RNF180: variants seen among roughly 807,000 people sequenced by gnomAD.
RNF180 encodes E3 ubiquitin-protein ligase RNF180.
In RNF180, 38 loss-of-function variants were observed where a neutral mutation model predicts 59.2. The observed-to-expected ratio is 0.64, with a 90% CI of 0.50 to 0.84. The LOEUF (loss-of-function observed/expected upper bound fraction) is 0.84, where lower values mean the gene tolerates loss of function less well. Among genes scored for constraint, RNF180 ranks in the 40% least tolerant of loss-of-function variants. The probability of loss-of-function intolerance (pLI) is 0.00; values close to 1 mark genes in which losing one functional copy is unlikely to be tolerated. For missense variants in RNF180, 705 were observed against 700.9 expected, an observed-to-expected ratio of 1.01 and a Z score of -0.07; for synonymous variants, 262 against 240.3, an observed-to-expected ratio of 1.09 and a Z score of -0.84.
At chr5:64,260,587 A>G (rs1744277613) in intron 5 of RNF180, among the ~76,000 whole-genome samples, 1 of 152,154 alleles carries the variant, frequency 6.6e-6, no homozygotes, top group African/African-American at 2.4e-5. Flanking sequence ...TCCTTTCAGC[A>G]TTGACACTTA....
intron 5 of RNF180, among the ~76,000 whole-genome samples, chr5:64,307,161 T>C (rs1032186389): frequency 6.7e-6 from 1 of 149,942 alleles, no homozygotes; most frequent in African/African-American, 2.5e-5. Flanking sequence ...AATAACCAAT[T>C]ATGGCTCTTT....
At position 64,329,015 on chromosome 5, in the gene RNF180, A is replaced by G. The variant is rs566650108; in HGVS notation, c.1454-1266A>G. On this transcript the variant is annotated intron_variant, in intron 6 of 7. Transcript: ENST00000389100. ...GTTTCTACCGTTTAAAATGAATACC[A>G]TCATATATGTTCTCCAGTTGGTCTG... is the stretch of plus-strand genomic sequence containing the variant. 1.5e-4 allele frequency among the ~76,000 whole-genome samples: 23 copies of G among 152,324 alleles called. No individual in the cohort carries two copies. In the South Asian group the frequency reaches 4.8e-3, roughly 32 times the overall value.
At chr5:64,215,223 T>G (rs1752554423) in intron 4 of RNF180, among the ~76,000 whole-genome samples, 1 of 152,148 alleles carries the variant, frequency 6.6e-6, no homozygotes, top group Admixed American at 6.5e-5. Context: ...CATGAACATT[T>G]GAAAGTTCGA....
intron 5 of RNF180, among the ~76,000 whole-genome samples, chr5:64,282,544 C>G (rs1233473819): frequency 6.6e-6 from 1 of 152,032 alleles, no homozygotes. Flanking sequence ...TCATTCAGTT[C>G]AGCTCTGATT....
chr5:64,309,488 C>T (rs1743644991), intron 5 of RNF180, among the ~76,000 whole-genome samples: 1 of 151,586 alleles, frequency 6.6e-6, no homozygotes, highest in Admixed American at 6.6e-5. Context: ...AATAGTTTGT[C>T]AGACTGTTTT....
intron 7 of RNF180, among the ~76,000 whole-genome samples, chr5:64,359,729 G>T (rs1746173235): frequency 6.6e-6 from 1 of 151,830 alleles, no homozygotes; most frequent in African/African-American, 2.4e-5. Context: ...GTCCTGAATG[G>T]TAATGCCTAG....
In RNF180 at chr5:64,214,277, T is replaced by C. The variant is rs1561194368; in HGVS notation, c.951T>C (p.Ala317=). ...AATTTCAGTGTGGTCTAGAAGCTGC[T>C]TCAGTGTATTCTGACCATACTAATA... ...GGEFQCGLEA[A]SVYSDHTNTN... is the part of the protein sequence containing the mutation. The change falls in exon 4 of 8, where the codon GCT becomes GCC. Residue 317 remains alanine (A), a synonymous_variant. Coordinates refer to ENST00000389100, the MANE Select transcript of RNF180 (RefSeq NM_001113561.2). 1 of 1,614,090 alleles carries C rather than the reference T, an allele frequency of 6.2e-7. No homozygotes were observed. The highest frequency in any genetic ancestry group is 8.5e-7 in the Non-Finnish European group (1 of 1,180,022).
chr5:64,322,705 C>G (rs1284484543), intron 5 of RNF180, among the ~76,000 whole-genome samples: 2 of 150,838 alleles, frequency 1.3e-5, no homozygotes, highest in Non-Finnish European at 2.9e-5. Flanking sequence ...CTGGATGGAA[C>G]TAGAGACCAT....
Position 64,372,487 on chromosome 5 carries a change from C to T in RNF180, c.*2673C>T, listed in dbSNP as rs1043860288. 3 of 151,972 alleles carry T rather than the reference C, an allele frequency of 2.0e-5. No homozygotes were observed. Among genetic ancestry groups the T allele is most frequent in the Admixed American group, 6.6e-5 (1 of 15,204 alleles). The allele number at this position is 151,972 out of a possible 1,614,324, so 9.4% of individuals were successfully genotyped here. The stretch of plus-strand genomic sequence containing the variant: ...AGTGCTGCCATCAGTTTCACTTCTG[C>T]CTTGGAATCTTGCTCCTAAGTTAGC... On this transcript the variant is annotated 3_prime_UTR_variant, in exon 8 of 8. Coordinates refer to ENST00000389100, the MANE Select transcript of RNF180 (RefSeq NM_001113561.2).
chr5:64,170,924 T>A (rs1749902636), intron 1 of RNF180, among the ~76,000 whole-genome samples: 1 of 152,192 alleles, frequency 6.6e-6, no homozygotes, highest in Non-Finnish European at 1.5e-5. Flanking sequence ...CCTTTTTGGT[T>A]CTGTGTCTTG....
intron 5 of RNF180, among the ~76,000 whole-genome samples, chr5:64,264,055 A>C (rs1475213302): frequency 2.0e-5 from 3 of 152,046 alleles, no homozygotes; most frequent in Non-Finnish European, 4.4e-5. Flanking sequence ...TAGTAGTCTA[A>C]CTTTCCTCAA....
chr5:64,245,681 C>T (rs1206594776), intron 5 of RNF180, among the ~76,000 whole-genome samples: 1 of 152,146 alleles, frequency 6.6e-6, no homozygotes, highest in Non-Finnish European at 1.5e-5. Context: ...GACTTTAACA[C>T]CCCACTATCA....
intron 7 of RNF180, among the ~76,000 whole-genome samples, chr5:64,335,459 T>C (rs1192568262): frequency 6.6e-6 from 1 of 152,130 alleles, no homozygotes; most frequent in East Asian, 1.9e-4. Context: ...GTGTTAATTT[T>C]TTTTTTATTG....
chr5:64,309,543 G>A (rs969858300), intron 5 of RNF180, among the ~76,000 whole-genome samples: 6 of 151,416 alleles, frequency 4.0e-5, no homozygotes, highest in Non-Finnish European at 7.4e-5. Flanking sequence ...TATTTTGGTA[G>A]AAAATACTAA....
chr5:64,284,110 T>C (rs943286580), intron 5 of RNF180, among the ~76,000 whole-genome samples: 1 of 152,182 alleles, frequency 6.6e-6, no homozygotes, highest in Non-Finnish European at 1.5e-5. Flanking sequence ...TCCTTCACTT[T>C]TGAAGCTTTA....
intron 6 of RNF180, 100 bp from the exon 7 acceptor site, chr5:64,330,181 G>T (rs908858232): frequency 2.5e-6 from 2 of 797,784 alleles, no homozygotes; most frequent in Non-Finnish European, 2.0e-6. Context: ...GGTGTGAATT[G>T]TATCAAATAG....
Position 64,270,795 on chromosome 5 carries a change from A to T in RNF180, c.1227+53399A>T, listed in dbSNP as rs145823378. Among the ~76,000 whole-genome samples, 32 of 152,268 alleles carry T rather than the reference A, an allele frequency of 2.1e-4. No homozygotes were observed. The East Asian group carries it at 3.3e-3, about 16-fold the overall frequency. On this transcript the variant is annotated intron_variant, in intron 5 of 7. Coordinates refer to ENST00000389100, the MANE Select transcript of RNF180 (RefSeq NM_001113561.2). ...TAGCTTTTCAGTTACTGAGGAAAGG[A>T]TATAATTTCAAAATCAGTTGCTCAT...
intron 5 of RNF180, among the ~76,000 whole-genome samples, chr5:64,243,464 G>T (rs180946485): frequency 3.3e-5 from 5 of 152,142 alleles, no homozygotes; most frequent in Non-Finnish European, 7.4e-5. Context: ...AAACAAAGAC[G>T]CCTGGAAGTT....
At chr5:64,272,835 A>G (rs1351920147) in intron 5 of RNF180, among the ~76,000 whole-genome samples, 2 of 151,996 alleles carry the variant, frequency 1.3e-5, no homozygotes, top group African/African-American at 4.8e-5. Flanking sequence ...AAAGAAAATT[A>G]AAAGTAGTTT....
Sources: allele counts gnomAD v4.1 joint callset (sites outside exome capture counted in the v4.1 genomes callset), GRCh38; gene constraint gnomAD v4.1.1; transcripts MANE v1.5; gene names NCBI Gene and HGNC (gene_info 2026-07-23, HGNC 2026-07-21).